MGME1: variants seen among roughly 807,000 people sequenced by gnomAD.
The protein encoded by MGME1 is chromosome 20 open reading frame 72.
A neutral mutation model predicts 33.0 loss-of-function variants in MGME1; 22 were observed. The ratio of observed to expected loss-of-function variants is 0.67; its 90% CI spans 0.48 to 0.95. The LOEUF is 0.95. MGME1 is among the 40% of genes least tolerant of loss of function. MGME1 has a pLI of 0.00. For missense variants in MGME1, 383 were observed against 397.8 expected (o/e 0.96, Z 0.32); for synonymous variants, 133 against 144.0 (o/e 0.92, Z 0.55).
chr20:17,969,719 CAT>C lies in MGME1; in HGVS notation c.-59-81_-59-80del, dbSNP rs1389844717. The C allele has an allele frequency of 1.3e-5, 11 of 861,792 alleles. No homozygotes were observed. In the Admixed American group the frequency reaches 2.3e-4, roughly 18 times the overall value. 53.4% of individuals were successfully genotyped at this position (861,792 alleles called of 1,614,324 possible). On this transcript the variant is annotated intron_variant, in intron 1 of 4. Transcript: ENST00000377710. ...TTCTTAAGAAAGGGCTCTGTCCAAACATGTCGAAAAAGTTCACAATTTTGATG... is the reference window on the plus strand; with the variant it reads ...TTCTTAAGAAAGGGCTCTGTCCAAACGTCGAAAAAGTTCACAATTTTGATG...
rs1229945124 is a variant in MGME1, at chr20:17,969,819, C to T, written c.-41C>T. On this transcript the variant is annotated 5_prime_UTR_variant, in exon 2 of 5. Coordinates refer to ENST00000377710, the MANE Select transcript of MGME1 (RefSeq NM_052865.4). ...CCAATAGGAATACAAACATAAAGGC[C>T]TTCGACCGTTGCAAATAGACTAAAG... 1 of 1,553,354 alleles carries T rather than the reference C, an allele frequency of 6.4e-7. No individual in the cohort carries two copies. Among genetic ancestry groups the T allele is most frequent in the African/African-American group, 1.4e-5 (1 of 72,626 alleles).
chr20:17,980,248 G>A (rs1353118802), intron 3 of MGME1, among the ~76,000 whole-genome samples: 2 of 151,320 alleles, frequency 1.3e-5, no homozygotes, highest in East Asian at 2.0e-4. Flanking sequence ...CTGGTCTCAA[G>A]CTCCTGACCT....
intron 4 of MGME1, among the ~76,000 whole-genome samples, chr20:17,988,703 TA>T (rs34498827): frequency 0.28 from 38,961 of 138,582 alleles, 5,604 homozygotes; most frequent in South Asian, 0.44. Flanking sequence ...AGAAAAATTG[TA>T]AAAAAAAAAA....
intron 3 of MGME1, among the ~76,000 whole-genome samples, chr20:17,982,482 G>A (rs1475579415): frequency 1.3e-5 from 2 of 152,156 alleles, no homozygotes; most frequent in Admixed American, 6.6e-5. Flanking sequence ...AAGTAGACCC[G>A]GACATGACTG....
At chr20:17,983,050 C>G (rs966685576) in intron 3 of MGME1, among the ~76,000 whole-genome samples, 1 of 152,266 alleles carries the variant, frequency 6.6e-6, no homozygotes. Flanking sequence ...AGCATCTCCC[C>G]TTTCCTCTTC....
chr20:17,979,576 ATT>A (rs1165338499), intron 3 of MGME1, among the ~76,000 whole-genome samples: 1 of 139,992 alleles, frequency 7.1e-6, no homozygotes. Context: ...CGCCCGGCTA[ATT>A]TTTTTTTTTT....
intron 3 of MGME1, among the ~76,000 whole-genome samples, chr20:17,982,306 GAC>G: frequency 6.6e-6 from 1 of 151,868 alleles, no homozygotes; most frequent in Non-Finnish European, 1.5e-5. Flanking sequence ...TTTTAGTGGA[GAC>G]AGGGTTTCAC....
intron 3 of MGME1, among the ~76,000 whole-genome samples, chr20:17,980,153 G>A (rs2035972799): frequency 6.6e-6 from 1 of 151,988 alleles, no homozygotes; most frequent in Non-Finnish European, 1.5e-5. Context: ...AGCCTCTCTA[G>A]TAGCTGGGAT....
intron 3 of MGME1, among the ~76,000 whole-genome samples, chr20:17,986,120 G>A (rs1294944364): frequency 2.0e-5 from 3 of 151,864 alleles, no homozygotes; most frequent in Non-Finnish European, 4.4e-5. Flanking sequence ...CCAGGCTGCA[G>A]TGCAATGGCA....
chr20:17,985,036 CAAAAA>C (rs535060718), intron 3 of MGME1, among the ~76,000 whole-genome samples: 2 of 103,174 alleles, frequency 1.9e-5, no homozygotes, highest in African/African-American at 3.9e-5. Flanking sequence ...GACTTTGTCT[CAAAAA>C]AAAAAAAAAA....
Position 17,990,073 on chromosome 20 carries a change from G to C in MGME1, c.999G>C (p.Lys333Asn). The stretch of plus-strand genomic sequence containing the variant: ...TAGAAGAATATACGGAAAAGAAAAA[G>C]AACCAGAATATTCAGAAACCAGAAT... The part of the protein sequence containing the change: ...LRLEEYTEKK[K>N]NQNIQKPEYS... Residue 333 changes from lysine (K) to asparagine (N), a missense_variant, in exon 5 of 5, where the codon AAG becomes AAC. Transcript: ENST00000377710. 1 of 1,614,036 alleles carries C rather than the reference G, an allele frequency of 6.2e-7. No individual in the cohort carries two copies. The highest frequency in any genetic ancestry group is 1.1e-5 in the South Asian group (1 of 91,076).
chr20:17,975,102 A>G (rs550125416), intron 2 of MGME1, among the ~76,000 whole-genome samples: 1 of 152,318 alleles, frequency 6.6e-6, no homozygotes, highest in Admixed American at 6.5e-5. Context: ...TGTAGCCGCC[A>G]GATCTTCAGT....
intron 3 of MGME1, among the ~76,000 whole-genome samples, chr20:17,982,134 A>T (rs1025268357): frequency 2.0e-5 from 3 of 151,660 alleles, no homozygotes; most frequent in African/African-American, 4.8e-5. Flanking sequence ...TTGTTTATTT[A>T]TTTTTTTTCT....
At chr20:17,983,140 A>G (rs2036068398) in intron 3 of MGME1, among the ~76,000 whole-genome samples, 1 of 152,142 alleles carries the variant, frequency 6.6e-6, no homozygotes, top group South Asian at 2.1e-4. Flanking sequence ...GATTCCACAT[A>G]TAAATGAAAT....
At chr20:17,974,802 AT>A in intron 2 of MGME1, among the ~76,000 whole-genome samples, 1 of 152,274 alleles carries the variant, frequency 6.6e-6, no homozygotes, top group East Asian at 1.9e-4. Flanking sequence ...TAAAAAAAAA[AT>A]ACAGGAGAAG....
intron 3 of MGME1, among the ~76,000 whole-genome samples, chr20:17,987,758 CA>C (rs1481143602): frequency 1.3e-5 from 2 of 152,180 alleles, no homozygotes; most frequent in Non-Finnish European, 2.9e-5. Context: ...TCATGAAAGA[CA>C]GATTGAACCG....
At chr20:17,989,108 A>G (rs2036226754) in intron 4 of MGME1, among the ~76,000 whole-genome samples, 1 of 150,186 alleles carries the variant, frequency 6.7e-6, no homozygotes, top group Non-Finnish European at 1.5e-5. Flanking sequence ...TAAATAGGCC[A>G]GGTGTGGTGG....
chr20:17,984,262 G>T (rs1181974038), intron 3 of MGME1, among the ~76,000 whole-genome samples: 2 of 152,066 alleles, frequency 1.3e-5, no homozygotes, highest in Non-Finnish European at 2.9e-5. Context: ...TTGGTTTAAG[G>T]TGTCTGCTTT....
rs537608341 is a variant in MGME1 at position 17,990,410 on chromosome 20, T to TG, written c.*314dup. 0.076 allele frequency: 3,465 copies of TG among 45,636 alleles called. 370 individuals are homozygous for TG. The highest frequency in any genetic ancestry group is 0.18 in the African/African-American group (1,275 of 7,092). 2.8% of individuals were successfully genotyped at this position (45,636 alleles called of 1,614,324 possible). A position where few individuals can be genotyped will look rare whatever the true frequency, so the allele number is the denominator to read the frequency against. On this transcript the variant is annotated 3_prime_UTR_variant, in exon 5 of 5. Transcript: ENST00000377710. ...ACTCTTGTACTCCCTTGAGGGACATTGGGGGGGGGGGGGCGTGGTCCCAGG... is the reference window on the plus strand; with the variant it reads ...ACTCTTGTACTCCCTTGAGGGACATTGGGGGGGGGGGGGGCGTGGTCCCAGG...
Sources: gnomAD v4.1 joint callset for allele counts (sites outside exome capture counted in the v4.1 genomes callset) on GRCh38, gnomAD v4.1.1 for gene constraint, MANE v1.5 for transcripts, NCBI Gene and HGNC (gene_info 2026-07-23, HGNC 2026-07-21) for gene names.